Variants in MALRD1 observed in about 807,000 individuals in gnomAD.
MALRD1 encodes the protein MAM and LDL-receptor class A domain-containing protein 1.
In MALRD1, 247 loss-of-function variants were observed where a neutral mutation model predicts 242.1. That is an observed-to-expected ratio of 1.02 (90% CI 0.92 to 1.13). The LOEUF is 1.13. Among genes scored for constraint, MALRD1 ranks in the 50% most tolerant of loss-of-function variants. The pLI is 0.00. For missense variants in MALRD1, 2,989 were observed against 2,533.1 expected (o/e 1.18, Z -3.86); for synonymous variants, 995 against 866.6 (o/e 1.15, Z -2.60).
chr10:19,352,388 C>G, intron 26 of MALRD1, 91 bp downstream of exon 26: 1 of 1,122,162 alleles, frequency 8.9e-7, no homozygotes, highest in Non-Finnish European at 1.2e-6. Context: ...GCATAAACAC[C>G]TAGTAATTTA....
intron 12 of MALRD1, among the ~76,000 whole-genome samples, chr10:19,156,883 C>T (rs1056306904): frequency 6.6e-6 from 1 of 151,998 alleles, no homozygotes; most frequent in African/African-American, 2.4e-5. Flanking sequence ...GGTGGGGTCT[C>T]AGTGAAAATG....
intron 29 of MALRD1, among the ~76,000 whole-genome samples, chr10:19,466,759 G>A (rs1181865698): frequency 6.6e-6 from 1 of 151,962 alleles, no homozygotes; most frequent in African/African-American, 2.4e-5. Flanking sequence ...CTTGGGAATG[G>A]GGTCCAGATC....
At chr10:19,716,644 A>G (rs929125830) in intron 38 of MALRD1, among the ~76,000 whole-genome samples, 18 of 152,174 alleles carry the variant, frequency 1.2e-4, no homozygotes, top group African/African-American at 4.3e-4. Context: ...CTTTTGAGAT[A>G]ATTATTGATA....
chr10:19,323,467 A>G (rs2130893872), intron 21 of MALRD1, among the ~76,000 whole-genome samples: 1 of 152,332 alleles, frequency 6.6e-6, no homozygotes, highest in South Asian at 2.1e-4. Context: ...TACAAGGACT[A>G]TGGGTTCAAA....
chr10:19,447,489 G>T (rs796141808), intron 28 of MALRD1, among the ~76,000 whole-genome samples: 11 of 151,934 alleles, frequency 7.2e-5, no homozygotes, highest in African/African-American at 2.7e-4. Context: ...TGCATTATTT[G>T]TCTCTTTTTT....
rs946175196 is a variant in MALRD1, at chr10:19,087,606, G to T, written c.341-234G>T. Among the ~76,000 whole-genome samples, 3 of 151,122 alleles carry T rather than the reference G, an allele frequency of 2.0e-5. No homozygotes were observed. In the East Asian group the frequency reaches 5.9e-4, roughly 30 times the overall value. ...AGATGTGTATATCTATGGGGTACAT[G>T]AGATGTTTTGATACAGGTATCCAAT... On this transcript the variant is annotated intron_variant, in intron 2 of 39. Coordinates refer to ENST00000454679, the MANE Select transcript of MALRD1 (RefSeq NM_001142308.3).
chr10:19,051,622 A>C (rs1050310290), intron 1 of MALRD1: 1 of 154,584 alleles, frequency 6.5e-6, no homozygotes, highest in African/African-American at 2.4e-5. Context: ...CTCCAAGAAC[A>C]ATTTATGAAA....
At chr10:19,501,044 T>C (rs552235507) in intron 31 of MALRD1, among the ~76,000 whole-genome samples, 1 of 152,176 alleles carries the variant, frequency 6.6e-6, no homozygotes, top group Non-Finnish European at 1.5e-5. Flanking sequence ...AGCCAGTAGA[T>C]AGGTATGTGC....
At chr10:19,370,717 A>G (rs1276048710) in intron 26 of MALRD1, among the ~76,000 whole-genome samples, 2 of 151,938 alleles carry the variant, frequency 1.3e-5, no homozygotes, top group East Asian at 3.9e-4. Context: ...ACCTGAAACT[A>G]CAGGGACACA....
At chr10:19,278,559 A>G (rs931328490) in intron 19 of MALRD1, among the ~76,000 whole-genome samples, 2 of 152,040 alleles carry the variant, frequency 1.3e-5, no homozygotes, top group African/African-American at 2.4e-5. Flanking sequence ...ACCATATGCC[A>G]TGGTCCATGA....
chr10:19,375,513 C>T (rs1845557659), intron 26 of MALRD1, among the ~76,000 whole-genome samples: 1 of 152,190 alleles, frequency 6.6e-6, no homozygotes, highest in East Asian at 1.9e-4. Context: ...ACCTGCAAGG[C>T]CCTGGATAAG....
intron 21 of MALRD1, among the ~76,000 whole-genome samples, chr10:19,312,400 A>ATATATATATATATG (rs1491220851): frequency 1.7e-4 from 25 of 143,626 alleles, no homozygotes; most frequent in African/African-American, 5.2e-4. Context: ...ATATATATAT[A>ATATATATATATATG]TGTGTATATG....
intron 28 of MALRD1, among the ~76,000 whole-genome samples, chr10:19,433,674 A>G (rs184614194): frequency 6.6e-4 from 101 of 152,272 alleles, no homozygotes; most frequent in Middle Eastern, 3.4e-3. Flanking sequence ...TCATGAGCAT[A>G]GCAGAAAATG....
intron 28 of MALRD1, among the ~76,000 whole-genome samples, chr10:19,402,797 T>G (rs1257658906): frequency 6.6e-6 from 1 of 152,166 alleles, no homozygotes; most frequent in African/African-American, 2.4e-5. Context: ...ACATTTGGAA[T>G]GCTTGTCTCC....
chr10:19,061,209 C>G (rs1834812908), intron 1 of MALRD1, among the ~76,000 whole-genome samples: 1 of 152,084 alleles, frequency 6.6e-6, no homozygotes, highest in African/African-American at 2.4e-5. Context: ...ATCTGTGCAG[C>G]AAACCAGCAC....
At chr10:19,141,139 A>T (rs1588605306) in intron 10 of MALRD1, among the ~76,000 whole-genome samples, 2 of 152,224 alleles carry the variant, frequency 1.3e-5, no homozygotes, top group East Asian at 3.9e-4. Context: ...CTCTATCAAA[A>T]TAATTAAAAT....
chr10:19,190,938 TA>T (rs1470357521), intron 14 of MALRD1, among the ~76,000 whole-genome samples: 1 of 152,024 alleles, frequency 6.6e-6, no homozygotes, highest in Non-Finnish European at 1.5e-5. Context: ...GGCAACAAAA[TA>T]AAAAATAGAC....
At chr10:19,288,103 G>T (rs750857205) in intron 21 of MALRD1, among the ~76,000 whole-genome samples, 4 of 151,476 alleles carry the variant, frequency 2.6e-5, no homozygotes, top group Admixed American at 6.6e-5. Context: ...CTTTTTTGGA[G>T]TCTCACTCTG....
At chr10:19,359,913 A>G (rs11009610) in intron 26 of MALRD1, among the ~76,000 whole-genome samples, 24,002 of 152,054 alleles carry the variant, frequency 0.16, 1,937 homozygotes, top group African/African-American at 0.19. Flanking sequence ...CTGGTTTCAA[A>G]GAATTTATGG....
Sources: gnomAD v4.1 joint callset for allele counts (sites outside exome capture counted in the v4.1 genomes callset) on GRCh38, gnomAD v4.1.1 for gene constraint, MANE v1.5 for transcripts, NCBI Gene and HGNC (gene_info 2026-07-23, HGNC 2026-07-21) for gene names.